Variants in TNFSF14 observed in about 807,000 individuals in gnomAD.
TNFSF14 encodes the protein TNF superfamily member 14.
In TNFSF14, 15 loss-of-function variants were observed where a neutral mutation model predicts 22.7. The observed-to-expected ratio is 0.66, with a 90% CI of 0.44 to 1.02. The LOEUF (loss-of-function observed/expected upper bound fraction) is 1.02, where lower values mean the gene tolerates loss of function less well. TNFSF14 is among the 50% of genes least tolerant of loss of function. The probability of loss-of-function intolerance (pLI) is 0.00; values close to 1 mark genes in which losing one functional copy is unlikely to be tolerated. For missense variants in TNFSF14, 287 were observed against 326.2 expected, an observed-to-expected ratio of 0.88 and a Z score of 0.93; for synonymous variants, 133 against 139.6, an observed-to-expected ratio of 0.95 and a Z score of 0.33.
rs1298009956 is a variant in TNFSF14 at position 6,661,563 on chromosome 19, C to T, written c.*3363G>A. On this transcript the variant is annotated 3_prime_UTR_variant, in exon 4 of 4. Coordinates refer to ENST00000675206, the MANE Select transcript of TNFSF14 (RefSeq NM_001376887.1). ...TTGTGGATATAGCTTGTCACAGTAT[C>T]TTATCAGTAATCGCATTCTTGGATG... The T allele has an allele frequency of 6.6e-6, 1 of 152,162 alleles. No homozygotes were observed. The highest frequency in any genetic ancestry group is 1.5e-5 in the Non-Finnish European group (1 of 68,028). The allele number at this position is 152,162 out of a possible 1,614,324, so 9.4% of individuals were successfully genotyped here. A position where few individuals can be genotyped will look rare whatever the true frequency, so the allele number is the denominator to read the frequency against.
In TNFSF14 at chr19:6,665,123, C is replaced by T. The variant is rs1198737504; in HGVS notation, c.526G>A (p.Glu176Lys). The T allele has an allele frequency of 6.2e-7, 1 of 1,613,918 alleles. No individual in the cohort carries two copies. The highest frequency in any genetic ancestry group is 1.3e-5 in the African/African-American group (1 of 74,934). ...LYKRTPRYPE[E>K]LELLVSQQSP... ...TGCTGGCTGACCAACAGCTCCAGCT[C>T]CTCGGGGTAGCGGGGTGTGCGCTTG... Residue 176 changes from glutamate (E) to lysine (K), a missense_variant, in exon 4 of 4, where the codon GAG (glutamate) becomes AAG (lysine). By Grantham distance (56) the Glu-to-Lys change is moderately conservative. Coordinates refer to ENST00000675206, the MANE Select transcript of TNFSF14 (RefSeq NM_001376887.1).
rs950084973 is a variant in TNFSF14 at position 6,662,642 on chromosome 19, C to T, written c.*2284G>A. The T allele has an allele frequency of 6.6e-5, 10 of 152,166 alleles. No individual in the cohort carries two copies. Among genetic ancestry groups the T allele is most frequent in the African/African-American group, 2.2e-4 (9 of 41,428 alleles). The allele number at this position is 152,166 out of a possible 1,614,324, so 9.4% of individuals were successfully genotyped here. On this transcript the variant is annotated 3_prime_UTR_variant, in exon 4 of 4. Coordinates refer to ENST00000675206, the MANE Select transcript of TNFSF14 (RefSeq NM_001376887.1). ...ATAACAATACATTCACCTCTGGGGT[C>T]GAAACCCATATCCTAGAATCCTAGG...
In TNFSF14 at chr19:6,666,388, C is replaced by A. The variant is rs576606381; in HGVS notation, c.298+725G>T. ...CTCCAGCCTAGTTGACAGAGTAAGA[C>A]CCTGTCTCAAAAAAAAAAAAAAAAA... On this transcript the variant is annotated intron_variant, in intron 3 of 3. Coordinates refer to ENST00000675206, the MANE Select transcript of TNFSF14 (RefSeq NM_001376887.1). Among the ~76,000 whole-genome samples the A allele has an allele frequency of 3.7e-5, 4 of 107,170 alleles. No homozygotes were observed. In the South Asian group the frequency reaches 1.4e-3, roughly 38 times the overall value. 70.3% of individuals were successfully genotyped at this position (107,170 alleles called of 152,430 possible).
rs1917254906 is a variant in TNFSF14, at chr19:6,661,897, C to G, written c.*3029G>C. On this transcript the variant is annotated 3_prime_UTR_variant, in exon 4 of 4. Transcript: ENST00000675206. ...CATGTGAGAAAATGATATATAGCTACTGACGGGGATTTCCTTTGAGGATGC... is the reference window on the plus strand; with the variant it reads ...CATGTGAGAAAATGATATATAGCTAGTGACGGGGATTTCCTTTGAGGATGC... The G allele has an allele frequency of 6.6e-6, 1 of 152,240 alleles. No homozygotes were observed. Among genetic ancestry groups the G allele is most frequent in the African/African-American group, 2.4e-5 (1 of 41,454 alleles). The allele number at this position is 152,240 out of a possible 1,614,324, so 9.4% of individuals were successfully genotyped here. A position where few individuals can be genotyped will look rare whatever the true frequency, so the allele number is the denominator to read the frequency against.
rs543831485 is a variant in TNFSF14 at position 6,663,861 on chromosome 19, C to G, written c.*1065G>C. 1.3e-5 allele frequency: 2 copies of G among 152,344 alleles called. No individual in the cohort carries two copies. The highest frequency in any genetic ancestry group is 2.1e-4 in the South Asian group (1 of 4,826). 9.4% of individuals were successfully genotyped at this position (152,344 alleles called of 1,614,324 possible). ...TCAATCAGCAAGCATTTCCCTAGAG[C>G]ATGCTTTGTGCCAGGCCCTGGGCCG... On this transcript the variant is annotated 3_prime_UTR_variant, in exon 4 of 4. Transcript: ENST00000675206.
intron 1 of TNFSF14, among the ~76,000 whole-genome samples, chr19:6,669,127 C>A (rs965530251): frequency 1.3e-5 from 2 of 152,166 alleles, no homozygotes; most frequent in Admixed American, 6.5e-5. Context: ...GGAAGCAGAC[C>A]GAGAAATTTC....
chr19:6,665,780 TGTGC>T (rs1296530973), intron 3 of TNFSF14, among the ~76,000 whole-genome samples: 9 of 131,428 alleles, frequency 6.8e-5, no homozygotes, highest in African/African-American at 2.0e-4. Flanking sequence ...TGTGTGCATG[TGTGC>T]GTGTGTGTGT....
rs1171891788 is a variant in TNFSF14 at position 6,661,428 on chromosome 19, A to G, written c.*3498T>C. On this transcript the variant is annotated 3_prime_UTR_variant, in exon 4 of 4. Coordinates refer to ENST00000675206, the MANE Select transcript of TNFSF14 (RefSeq NM_001376887.1). The stretch of plus-strand genomic sequence containing the variant: ...CAAAACAGGCAAGAAAGTGAAAAAG[A>G]TAAATGGTAACAGAAAAACAAACAG... The G allele has an allele frequency of 6.6e-6, 1 of 152,310 alleles. No homozygotes were observed. The highest frequency in any genetic ancestry group is 1.5e-5 in the Non-Finnish European group (1 of 68,076). The allele number at this position is 152,310 out of a possible 1,614,324, so 9.4% of individuals were successfully genotyped here. A position where few individuals can be genotyped will look rare whatever the true frequency, so the allele number is the denominator to read the frequency against.
chr19:6,663,188 C>G lies in TNFSF14; in HGVS notation c.*1738G>C, dbSNP rs1421943433. 1 of 152,250 alleles carries G rather than the reference C, an allele frequency of 6.6e-6. No individual in the cohort carries two copies. Among genetic ancestry groups the G allele is most frequent in the Non-Finnish European group, 1.5e-5 (1 of 68,068 alleles). 9.4% of individuals were successfully genotyped at this position (152,250 alleles called of 1,614,324 possible). ...TTCAAAGATCAGTGGTTAAGAGGCC[C>G]AGGGTTATGAACAAGGTCTGGTCCT... is the stretch of plus-strand genomic sequence containing the variant. On this transcript the variant is annotated 3_prime_UTR_variant, in exon 4 of 4. Coordinates refer to ENST00000675206, the MANE Select transcript of TNFSF14 (RefSeq NM_001376887.1).
chr19:6,669,490 A>T (rs949315216), intron 1 of TNFSF14, among the ~76,000 whole-genome samples: 1 of 152,074 alleles, frequency 6.6e-6, no homozygotes, highest in African/African-American at 2.4e-5. Flanking sequence ...TCTCAAAAAT[A>T]AAAAAGTACA....
At chr19:6,669,310 C>T (rs1346858372) in intron 1 of TNFSF14, among the ~76,000 whole-genome samples, 4 of 152,084 alleles carry the variant, frequency 2.6e-5, no homozygotes, top group Middle Eastern at 3.4e-3. Context: ...ATAGAGAAGC[C>T]CCATCTCTAC....
chr19:6,670,461 A>T, upstream of TNFSF14: 1 of 233,608 alleles, frequency 4.3e-6, no homozygotes, highest in Non-Finnish European at 8.1e-6. Flanking sequence ...AGCAATGAAC[A>T]ACAGCAAGAA....
chr19:6,668,706 C>T (rs867321870), intron 1 of TNFSF14, among the ~76,000 whole-genome samples: 1 of 149,420 alleles, frequency 6.7e-6, no homozygotes, highest in African/African-American at 2.5e-5. Context: ...GAAACCTTGT[C>T]TCAAAAAAAA....
Position 6,664,674 on chromosome 19 carries a change from G to T in TNFSF14, c.*252C>A. The T allele has an allele frequency of 2.7e-6, 1 of 364,978 alleles. No individual in the cohort carries two copies. Among genetic ancestry groups the T allele is most frequent in the Non-Finnish European group, 5.0e-6 (1 of 198,736 alleles). 22.6% of individuals were successfully genotyped at this position (364,978 alleles called of 1,614,324 possible). ...TCCTGCCTCAGCCTCCTGAGTAGCT[G>T]GATTACAGGCAGGCACCACCACGTC... On this transcript the variant is annotated 3_prime_UTR_variant, in exon 4 of 4. Coordinates refer to ENST00000675206, the MANE Select transcript of TNFSF14 (RefSeq NM_001376887.1). This position sits in a 1 kb window ranked among gnomAD's most constrained non-coding sequence, Gnocchi z 4.7.
upstream of TNFSF14, chr19:6,670,245 C>T (rs915163937): frequency 1.1e-5 from 16 of 1,434,302 alleles, no homozygotes; most frequent in African/African-American, 8.6e-5. Context: ...TTCCGGTACC[C>T]GCCGCCCCCG....
Position 6,665,139 on chromosome 19 carries a change from T to A in TNFSF14, c.510A>T (p.Thr170=). 2 of 1,613,898 alleles carry A rather than the reference T, an allele frequency of 1.2e-6. No homozygotes were observed. Among genetic ancestry groups the A allele is most frequent in the Non-Finnish European group, 1.7e-6 (2 of 1,179,926 alleles). ...STITHGLYKR[T]PRYPEELELL... ...GCTCCAGCTCCTCGGGGTAGCGGGG[T>A]GTGCGCTTGTAGAGGCCGTGGGTGA... Residue 170 remains threonine, a synonymous_variant, in exon 4 of 4, where the codon ACA becomes ACT. Transcript: ENST00000675206.
rs568754216 is a variant in TNFSF14 at position 6,665,320 on chromosome 19, C to T, written c.329G>A (p.Gly110Glu). ...GANSSLTGSG[G>E]PLLWETQLGL... is the part of the protein sequence containing the mutation. ...CAGCTGAGTCTCCCATAACAGCGGC[C>T]CCCCGCTGCCGGTCAAGCTGGAGTT... is the stretch of plus-strand genomic sequence containing the variant. Residue 110 changes from glycine to glutamate, a missense_variant, in exon 4 of 4, where the codon GGG becomes GAG. Coordinates refer to ENST00000675206, the MANE Select transcript of TNFSF14 (RefSeq NM_001376887.1). The T allele has an allele frequency of 1.3e-5, 21 of 1,598,016 alleles. No homozygotes were observed. In the East Asian group the frequency reaches 1.8e-4, roughly 14 times the overall value.
In TNFSF14 at chr19:6,663,161, A is replaced by C. The variant is rs1421526591; in HGVS notation, c.*1765T>G. Reference sequence around the variant, plus strand: ...ATCCAGGTACAACTATTTGCCATTTATTTCAAAGATCAGTGGTTAAGAGGC... The same window carrying C: ...ATCCAGGTACAACTATTTGCCATTTCTTTCAAAGATCAGTGGTTAAGAGGC... On this transcript the variant is annotated 3_prime_UTR_variant, in exon 4 of 4. Coordinates refer to ENST00000675206, the MANE Select transcript of TNFSF14 (RefSeq NM_001376887.1). 2 of 152,144 alleles carry C rather than the reference A, an allele frequency of 1.3e-5. No individual in the cohort carries two copies. The allele number at this position is 152,144 out of a possible 1,614,324, so 9.4% of individuals were successfully genotyped here. A position where few individuals can be genotyped will look rare whatever the true frequency, so the allele number is the denominator to read the frequency against.
chr19:6,669,273 C>T (rs138811446), intron 1 of TNFSF14, among the ~76,000 whole-genome samples: 7,546 of 152,146 alleles, frequency 0.05, 242 homozygotes, highest in South Asian at 0.093. Flanking sequence ...CTCCTGAGGT[C>T]GGGAGTTTGA....
Sources: gnomAD v4.1 joint callset for allele counts (sites outside exome capture counted in the v4.1 genomes callset) on GRCh38, gnomAD v4.1.1 for gene constraint, Gnocchi (gnomAD v3.1) non-coding constraint, MANE v1.5 for transcripts, NCBI Gene and HGNC (gene_info 2026-07-23, HGNC 2026-07-21) for gene names.